Variants in ADK observed in about 807,000 individuals in gnomAD.
The protein encoded by ADK is adenosine kinase.
In ADK, 24 loss-of-function variants were observed where a neutral mutation model predicts 44.7. The ratio of observed to expected loss-of-function variants is 0.54; its 90% CI spans 0.39 to 0.76. The LOEUF is 0.76. Among genes scored for constraint, ADK ranks in the 30% least tolerant of loss-of-function variants. The pLI, the probability that ADK is intolerant of heterozygous loss-of-function variation, is 0.00. For missense variants in ADK, 321 were observed against 425.1 expected, an observed-to-expected ratio of 0.76 and a Z score of 2.15; for synonymous variants, 128 against 142.6, an observed-to-expected ratio of 0.90 and a Z score of 0.73.
chr10:74,400,916 A>G (rs1490004483), intron 6 of ADK, among the ~76,000 whole-genome samples: 1 of 152,198 alleles, frequency 6.6e-6, no homozygotes, highest in East Asian at 1.9e-4. Context: ...TTTCTTCACC[A>G]TATAATTTAC....
At chr10:74,328,168 C>T (rs563330261) in intron 4 of ADK, among the ~76,000 whole-genome samples, 44 of 152,290 alleles carry the variant, frequency 2.9e-4, no homozygotes, top group Non-Finnish European at 5.6e-4. Flanking sequence ...CTCGGCCTCC[C>T]GAAGTGCTGG....
chr10:74,329,378 AC>A (rs1841140060), intron 4 of ADK, among the ~76,000 whole-genome samples: 1 of 152,172 alleles, frequency 6.6e-6, no homozygotes, highest in African/African-American at 2.4e-5. Flanking sequence ...TGAACTTGGG[AC>A]TGTCACCAAA....
chr10:74,331,395 G>A (rs763999471), intron 4 of ADK, among the ~76,000 whole-genome samples: 3 of 152,162 alleles, frequency 2.0e-5, no homozygotes, highest in East Asian at 3.9e-4. Flanking sequence ...AATTGAAATA[G>A]CAAGGCCAGA....
intron 4 of ADK, among the ~76,000 whole-genome samples, chr10:74,367,598 G>GTGCTTT (rs1842534839): frequency 6.6e-6 from 1 of 152,132 alleles, no homozygotes; most frequent in Admixed American, 6.5e-5. Context: ...CCAGTACTCG[G>GTGCTTT]TGCTTTTGCA....
intron 4 of ADK, among the ~76,000 whole-genome samples, chr10:74,338,104 A>G (rs1256465656): frequency 1.6e-5 from 2 of 122,376 alleles, no homozygotes; most frequent in African/African-American, 5.4e-5. Context: ...TCTATACAGA[A>G]TTTCTAGGAT....
intron 1 of ADK, among the ~76,000 whole-genome samples, chr10:74,151,583 C>T (rs2132018234): frequency 6.6e-6 from 1 of 152,348 alleles, no homozygotes; most frequent in South Asian, 2.1e-4. Context: ...CAGTCGTGGC[C>T]CGCAGGGGGA....
chr10:74,635,963 C>T (rs1853610065), intron 9 of ADK, among the ~76,000 whole-genome samples: 1 of 151,852 alleles, frequency 6.6e-6, no homozygotes, highest in Non-Finnish European at 1.5e-5. Context: ...TGGCACATGC[C>T]TGTAGTCCTA....
At chr10:74,282,975 A>G (rs1847006409) in intron 3 of ADK, among the ~76,000 whole-genome samples, 1 of 152,200 alleles carries the variant, frequency 6.6e-6, no homozygotes, top group Non-Finnish European at 1.5e-5. Context: ...GTTCTGATTT[A>G]CTGACGTAGA....
chr10:74,416,237 G>A (rs1844371160), intron 6 of ADK, among the ~76,000 whole-genome samples: 1 of 151,850 alleles, frequency 6.6e-6, no homozygotes, highest in Admixed American at 6.6e-5. Context: ...TAGCAGGAAG[G>A]CAAGTTCTTG....
intron 7 of ADK, among the ~76,000 whole-genome samples, chr10:74,550,226 A>G (rs1369092896): frequency 6.6e-6 from 1 of 151,976 alleles, no homozygotes; most frequent in Non-Finnish European, 1.5e-5. Context: ...ATCCACCACC[A>G]TGCCCAGCTA....
intron 9 of ADK, among the ~76,000 whole-genome samples, chr10:74,626,247 G>C (rs923654515): frequency 6.6e-6 from 1 of 151,904 alleles, no homozygotes; most frequent in African/African-American, 2.4e-5. Context: ...GAAATCAATG[G>C]TAGAATCACC....
intron 4 of ADK, among the ~76,000 whole-genome samples, chr10:74,368,046 TTTTAGAAA>T (rs1842547289): frequency 6.6e-6 from 1 of 152,194 alleles, no homozygotes; most frequent in South Asian, 2.1e-4. Context: ...GAAACATACA[TTTTAGAAA>T]TTATGTATTG....
intron 6 of ADK, among the ~76,000 whole-genome samples, chr10:74,496,003 T>C (rs1302574535): frequency 6.6e-6 from 1 of 152,218 alleles, no homozygotes; most frequent in East Asian, 1.9e-4. Context: ...TCCAGGATTA[T>C]CAGTATCTTC....
chr10:74,261,401 A>C (rs1421726237), intron 3 of ADK, among the ~76,000 whole-genome samples: 1 of 152,040 alleles, frequency 6.6e-6, no homozygotes, highest in Non-Finnish European at 1.5e-5. Flanking sequence ...TACTTTACCA[A>C]GGAGTTGTCT....
chr10:74,276,996 C>T (rs1846708302), intron 3 of ADK, among the ~76,000 whole-genome samples: 1 of 152,188 alleles, frequency 6.6e-6, no homozygotes, highest in Middle Eastern at 3.4e-3. Context: ...CAGCTCACTG[C>T]AAACTCCACT....
At chr10:74,331,546 C>T (rs575372432) in intron 4 of ADK, among the ~76,000 whole-genome samples, 2 of 152,144 alleles carry the variant, frequency 1.3e-5, no homozygotes, top group African/African-American at 2.4e-5. Context: ...TGCAGTGGCA[C>T]GATCTCAGCT....
chr10:74,222,110 C>T (rs1844335225), intron 2 of ADK, among the ~76,000 whole-genome samples: 2 of 151,784 alleles, frequency 1.3e-5, no homozygotes, highest in African/African-American at 2.4e-5. Context: ...GCAACCTACT[C>T]ATCTGACAAA....
intron 3 of ADK, among the ~76,000 whole-genome samples, chr10:74,306,756 C>T (rs1475561816): frequency 6.6e-6 from 1 of 152,098 alleles, no homozygotes; most frequent in South Asian, 2.1e-4. Flanking sequence ...TGCTTCTGTT[C>T]CTAGAGCCTG....
At chr10:74,440,983 T>C (rs752112438) in intron 6 of ADK, among the ~76,000 whole-genome samples, 38 of 152,268 alleles carry the variant, frequency 2.5e-4, no homozygotes, top group Admixed American at 1.4e-3. Context: ...AGATCTATTG[T>C]AATATAAACA....
Sources: allele counts gnomAD v4.1 joint callset (sites outside exome capture counted in the v4.1 genomes callset), GRCh38; gene constraint gnomAD v4.1.1; transcripts MANE v1.5; gene names NCBI Gene and HGNC (gene_info 2026-07-23, HGNC 2026-07-21).